Variants in SPMIP6 observed in about 807,000 individuals in gnomAD.
SPMIP6 encodes sperm microtubule inner protein 6.
At chr9:34,381,237 T>C in the SPMIP6 span, 5 of 1,569,290 alleles carry the variant, frequency 3.2e-6, no homozygotes, top group Admixed American at 1.7e-5. The surrounding 1 kb of genome is among the most constrained non-coding windows in gnomAD (Gnocchi z 4.4). Flanking sequence ...CCAGGACGGA[T>C]AGATTCAGGG....
the SPMIP6 span, chr9:34,380,950 C>T: frequency 1.9e-6 from 3 of 1,603,658 alleles, no homozygotes; most frequent in Admixed American, 1.7e-5. Context: ...CGGTGCAGGG[C>T]GCCCCGCTGG....
chr9:34,382,402 G>A, the SPMIP6 span, among the ~76,000 whole-genome samples: 1 of 152,142 alleles, frequency 6.6e-6, no homozygotes, highest in Admixed American at 6.5e-5. Context: ...TGGCCAACAT[G>A]GCAAGATCCC....
At chr9:34,382,128 G>C in the SPMIP6 span, among the ~76,000 whole-genome samples, 10 of 152,174 alleles carry the variant, frequency 6.6e-5, no homozygotes, top group African/African-American at 2.4e-4. Context: ...ATGGGGAGGG[G>C]CCAGCTGGCA....
At chr9:34,379,528 G>A in the SPMIP6 span, 4 of 891,952 alleles carry the variant, frequency 4.5e-6, no homozygotes, top group Non-Finnish European at 5.6e-6. The surrounding 1 kb of genome is among the most constrained non-coding windows in gnomAD (Gnocchi z 4.2). Context: ...CTCGTGGTAT[G>A]TGCCTGTCAG....
the SPMIP6 span, chr9:34,380,954 C>T: frequency 6.2e-7 from 1 of 1,604,640 alleles, no homozygotes; most frequent in South Asian, 1.1e-5. Context: ...GCAGGGCGCC[C>T]CGCTGGCGTA....
the SPMIP6 span, among the ~76,000 whole-genome samples, chr9:34,390,466 T>C: frequency 6.6e-6 from 1 of 152,222 alleles, no homozygotes; most frequent in Non-Finnish European, 1.5e-5. Flanking sequence ...CATTTCTGCA[T>C]ATTTTGAAAT....
At chr9:34,380,972 A>C in the SPMIP6 span, 1 of 1,608,104 alleles carries the variant, frequency 6.2e-7, no homozygotes, top group Non-Finnish European at 8.5e-7. Flanking sequence ...GTAGTAGTCC[A>C]TCCCGCGCAG....
chr9:34,385,535 CAAAAAAAAA>C, the SPMIP6 span: 5 of 295,268 alleles, frequency 1.7e-5, no homozygotes, highest in East Asian at 8.8e-5. Context: ...AACTCCGTCT[CAAAAAAAAA>C]AAAAAAAAAA....
At chr9:34,386,471 A>G in the SPMIP6 span, among the ~76,000 whole-genome samples, 1 of 151,566 alleles carries the variant, frequency 6.6e-6, no homozygotes, top group Non-Finnish European at 1.5e-5. Flanking sequence ...GCGAGCTCCT[A>G]TAGTCCCAGC....
At chr9:34,393,254 A>G in the SPMIP6 span, among the ~76,000 whole-genome samples, 1 of 152,234 alleles carries the variant, frequency 6.6e-6, no homozygotes, top group Non-Finnish European at 1.5e-5. Flanking sequence ...TAAATATTAC[A>G]GATTAAAAGC....
the SPMIP6 span, chr9:34,379,515 C>T: frequency 6.1e-6 from 5 of 820,938 alleles, no homozygotes; most frequent in Admixed American, 3.9e-5. The surrounding 1 kb of genome is among the most constrained non-coding windows in gnomAD (Gnocchi z 4.2). Flanking sequence ...CCACTAGCTC[C>T]CCCTCGTGGT....
At chr9:34,385,297 C>T in the SPMIP6 span, among the ~76,000 whole-genome samples, 18 of 151,748 alleles carry the variant, frequency 1.2e-4, no homozygotes, top group East Asian at 1.4e-3. Flanking sequence ...TTTGGGAGGC[C>T]GAGGCGGGCA....
the SPMIP6 span, among the ~76,000 whole-genome samples, chr9:34,383,606 AG>A: frequency 6.6e-6 from 1 of 152,202 alleles, no homozygotes; most frequent in African/African-American, 2.4e-5. Context: ...CACCTTAACC[AG>A]AAGACAATAT....
the SPMIP6 span, among the ~76,000 whole-genome samples, chr9:34,384,154 C>T: frequency 6.6e-6 from 1 of 152,144 alleles, no homozygotes; most frequent in Non-Finnish European, 1.5e-5. Flanking sequence ...GCAGTTTGCA[C>T]ATACTGAAAC....
chr9:34,379,084 A>G, the SPMIP6 span: 1 of 1,600,768 alleles, frequency 6.2e-7, no homozygotes, highest in Non-Finnish European at 8.6e-7. The surrounding 1 kb of genome is among the most constrained non-coding windows in gnomAD (Gnocchi z 4.2). Flanking sequence ...CTCTACCAGC[A>G]ACGATAGTCG....
At chr9:34,388,876 G>T in the SPMIP6 span, among the ~76,000 whole-genome samples, 5 of 150,670 alleles carry the variant, frequency 3.3e-5, no homozygotes, top group East Asian at 5.9e-4. Context: ...GTATATAAAA[G>T]ATATTTATCT....
At chr9:34,388,314 T>C in the SPMIP6 span, among the ~76,000 whole-genome samples, 1 of 150,696 alleles carries the variant, frequency 6.6e-6, no homozygotes, top group Non-Finnish European at 1.5e-5. Context: ...CTAATTTTTT[T>C]TTTTTTTTTG....
chr9:34,382,163 G>C, the SPMIP6 span, among the ~76,000 whole-genome samples: 2 of 152,162 alleles, frequency 1.3e-5, no homozygotes, highest in Non-Finnish European at 2.9e-5. Context: ...AGTATATCAA[G>C]GAGTGCACAC....
the SPMIP6 span, among the ~76,000 whole-genome samples, chr9:34,396,838 G>A: frequency 1.3e-5 from 2 of 152,274 alleles, no homozygotes; most frequent in East Asian, 3.9e-4. Context: ...AAAGGCAAGG[G>A]CTGGCCCTTC....
Sources: allele counts gnomAD v4.1 joint callset (sites outside exome capture counted in the v4.1 genomes callset), GRCh38; gene constraint gnomAD v4.1.1; non-coding constraint Gnocchi (gnomAD v3.1); transcripts MANE v1.5; gene names NCBI Gene and HGNC (gene_info 2026-07-23, HGNC 2026-07-21).